The following ERC2 variants were observed in gnomAD, a reference collection of about 807,000 sequenced individuals.
ERC2 encodes ERC protein 2.
In ERC2, 42 loss-of-function variants were observed where a neutral mutation model predicts 114.8. That is an observed-to-expected ratio of 0.37 (90% CI 0.29 to 0.47). The LOEUF (loss-of-function observed/expected upper bound fraction) is 0.47, where lower values mean the gene tolerates loss of function less well. ERC2 is among the 20% of genes least tolerant of loss of function. ERC2 has a pLI of 0.99. For synonymous variants in ERC2, 454 were observed against 425.5 expected (o/e 1.07, Z -0.82); for missense variants, 939 against 1,150.7 (o/e 0.82, Z 2.66).
chr3:56,383,572 T>A (rs528556892), intron 2 of ERC2, among the ~76,000 whole-genome samples: 2 of 152,328 alleles, frequency 1.3e-5, no homozygotes, highest in African/African-American at 4.8e-5. Flanking sequence ...ATGTGCTGAA[T>A]GAATGAATGA....
At chr3:55,845,971 C>T (rs2061345660) in intron 14 of ERC2, among the ~76,000 whole-genome samples, 1 of 152,244 alleles carries the variant, frequency 6.6e-6, no homozygotes, top group Admixed American at 6.5e-5. Context: ...GAAATGACTT[C>T]TTACAAGGAT....
At chr3:55,987,120 C>A (rs1408812409) in intron 11 of ERC2, among the ~76,000 whole-genome samples, 4 of 152,144 alleles carry the variant, frequency 2.6e-5, no homozygotes, top group African/African-American at 9.7e-5. Flanking sequence ...TTAAGATTAA[C>A]CACACGGGGA....
rs150817153 is a variant in ERC2 at position 55,894,412 on chromosome 3, G to C, written c.2404-5863C>G. Among the ~76,000 whole-genome samples the C allele has an allele frequency of 1.8e-3, 274 of 152,174 alleles. 1 individual carries two copies. Among genetic ancestry groups the C allele is most frequent in the African/African-American group, 6.4e-3 (265 of 41,522 alleles). On this transcript the variant is annotated intron_variant, in intron 13 of 17. Coordinates refer to ENST00000288221, the MANE Select transcript of ERC2 (RefSeq NM_015576.3). ...AAATGCCCAGAAGAAGGATTATTTG[G>C]GGACAATATAATAATAGAATTGACT...
chr3:55,829,678 T>C (rs2060485945), intron 14 of ERC2, among the ~76,000 whole-genome samples: 1 of 152,088 alleles, frequency 6.6e-6, no homozygotes, highest in Non-Finnish European at 1.5e-5. Context: ...CCACATCCAG[T>C]TAATTGCTTT....
chr3:56,299,110 TTTTTTTTTGTTTTTTTTTTTGTTTGTTTG>T (rs1186377686), intron 2 of ERC2, among the ~76,000 whole-genome samples: 1 of 136,494 alleles, frequency 7.3e-6, no homozygotes, highest in Non-Finnish European at 1.6e-5. Flanking sequence ...TTTTTTGTTT[TTTTTTTTTGTTTTTTTTTTTGTTTGTTTG>T]TTTTTTGAGA....
intron 14 of ERC2, among the ~76,000 whole-genome samples, chr3:55,765,830 T>C (rs1278284391): frequency 6.6e-6 from 1 of 152,234 alleles, no homozygotes; most frequent in Non-Finnish European, 1.5e-5. Flanking sequence ...TTGGCTTTCC[T>C]GCATTTTGCT....
chr3:56,278,561 A>C (rs529149458), intron 3 of ERC2, among the ~76,000 whole-genome samples: 1 of 152,348 alleles, frequency 6.6e-6, no homozygotes, highest in East Asian at 1.9e-4. Flanking sequence ...GGTTAATGGT[A>C]TCTACTGTTT....
intron 17 of ERC2, among the ~76,000 whole-genome samples, chr3:55,635,080 C>G (rs555131063): frequency 6.6e-6 from 1 of 152,152 alleles, no homozygotes; most frequent in African/African-American, 2.4e-5. Flanking sequence ...GGGGTTTCAC[C>G]TTGTTGGCCA....
intron 17 of ERC2, among the ~76,000 whole-genome samples, chr3:55,600,538 A>G (rs2058353812): frequency 6.6e-6 from 1 of 151,998 alleles, no homozygotes; most frequent in South Asian, 2.1e-4. Context: ...TTTTTTGTTG[A>G]TTTATTTGGA....
chr3:55,573,402 T>A (rs1473588667), intron 17 of ERC2, among the ~76,000 whole-genome samples: 1 of 152,184 alleles, frequency 6.6e-6, no homozygotes, highest in Non-Finnish European at 1.5e-5. Flanking sequence ...TGTTGAACTT[T>A]AAGATTCACT....
Position 56,005,290 on chromosome 3 carries a change from T to G in ERC2, c.2061+1891A>C, listed in dbSNP as rs142390799. 3.9e-5 allele frequency among the ~76,000 whole-genome samples: 6 copies of G among 152,146 alleles called. No homozygotes were observed. In the East Asian group the frequency reaches 1.2e-3, roughly 29 times the overall value. Reference sequence around the variant, plus strand: ...CTTTAATTCTAGTGACGTGGTAGAATGTTAAAATGCTGTCAGGAATAATGC... The same window carrying G: ...CTTTAATTCTAGTGACGTGGTAGAAGGTTAAAATGCTGTCAGGAATAATGC... On this transcript the variant is annotated intron_variant, in intron 10 of 17. Transcript: ENST00000288221.
At chr3:56,070,310 C>G (rs989695674) in intron 7 of ERC2, among the ~76,000 whole-genome samples, 2 of 152,164 alleles carry the variant, frequency 1.3e-5, no homozygotes, top group African/African-American at 4.8e-5. Flanking sequence ...CACCTCTAAT[C>G]CCATTTCAAA....
intron 17 of ERC2, among the ~76,000 whole-genome samples, chr3:55,598,780 C>A (rs2058266439): frequency 6.6e-6 from 1 of 152,232 alleles, no homozygotes; most frequent in Non-Finnish European, 1.5e-5. Context: ...GAAGATGGGG[C>A]TGCTGTAGGG....
rs545726011 is a variant in ERC2, at chr3:56,339,018, T to C, written c.658-42583A>G. Among the ~76,000 whole-genome samples the C allele has an allele frequency of 3.9e-5, 6 of 152,304 alleles. No homozygotes were observed. The South Asian group carries it at 1.2e-3, about 32-fold the overall frequency. On this transcript the variant is annotated intron_variant, in intron 2 of 17. Coordinates refer to ENST00000288221, the MANE Select transcript of ERC2 (RefSeq NM_015576.3). ...AGCAAAGGTAGGGAGAGGGTTTCAA[T>C]AGCCTCGAGTCCCCAGTTCCACCTC...
chr3:55,750,307 G>A (rs1314512851), intron 14 of ERC2, among the ~76,000 whole-genome samples: 2 of 152,092 alleles, frequency 1.3e-5, no homozygotes, highest in African/African-American at 2.4e-5. Flanking sequence ...AGTAAAGTAC[G>A]TTGTTTCATT....
chr3:56,171,272 C>G (rs2082650602), intron 4 of ERC2, among the ~76,000 whole-genome samples: 1 of 152,114 alleles, frequency 6.6e-6, no homozygotes, highest in African/African-American at 2.4e-5. Flanking sequence ...CAGATGAGAT[C>G]ACAGCCTCCA....
In ERC2 at chr3:55,690,845, G is replaced by A. The variant is rs1238533525; in HGVS notation, c.2848-6986C>T. On this transcript the variant is annotated intron_variant, in intron 16 of 17. Coordinates refer to ENST00000288221, the MANE Select transcript of ERC2 (RefSeq NM_015576.3). Reference sequence around the variant, plus strand: ...TGCTCACATGCAGGGAATTAGCATCGCACCCAGATTAAAGGGCTTTGACAA... The same window carrying A: ...TGCTCACATGCAGGGAATTAGCATCACACCCAGATTAAAGGGCTTTGACAA... 2.0e-5 allele frequency among the ~76,000 whole-genome samples: 3 copies of A among 152,274 alleles called. No individual in the cohort carries two copies. The East Asian group carries it at 5.8e-4, about 29-fold the overall frequency.
chr3:55,539,411 C>CTTTTTTTTTTTTTTTTTTTTTTTTTT (rs1559619170), intron 17 of ERC2, among the ~76,000 whole-genome samples: 1 of 49,066 alleles, frequency 2.0e-5, no homozygotes, highest in Non-Finnish European at 4.4e-5. Flanking sequence ...CTCTTTTTTT[C>CTTTTTTTTTTTTTTTTTTTTTTTTTT]TTTCTTTTTT....
At chr3:55,707,359 A>G (rs1411195908) in intron 15 of ERC2, among the ~76,000 whole-genome samples, 2 of 152,202 alleles carry the variant, frequency 1.3e-5, no homozygotes, top group African/African-American at 2.4e-5. Flanking sequence ...GGATCACCTG[A>G]GCACAGAAGG....
Sources: gnomAD v4.1 joint callset for allele counts (sites outside exome capture counted in the v4.1 genomes callset) on GRCh38, gnomAD v4.1.1 for gene constraint, MANE v1.5 for transcripts, NCBI Gene and HGNC (gene_info 2026-07-23, HGNC 2026-07-21) for gene names.